GRM7: variants seen among roughly 807,000 people sequenced by gnomAD.
GRM7 encodes the protein glutamate metabotropic receptor 7.
Under a neutral mutation model 84.5 loss-of-function variants are expected in GRM7, and 35 were observed. The ratio of observed to expected loss-of-function variants is 0.41; its 90% CI spans 0.32 to 0.55. The LOEUF is 0.55. GRM7 is among the 20% of genes least tolerant of loss of function. The probability of loss-of-function intolerance (pLI) is 0.19; values close to 1 mark genes in which losing one functional copy is unlikely to be tolerated. For synonymous variants in GRM7, 487 were observed against 455.1 expected (o/e 1.07, Z -0.89); for missense variants, 1,003 against 1,194.6 (o/e 0.84, Z 2.36).
At chr3:7,328,402 A>G (rs1484208355) in intron 4 of GRM7, among the ~76,000 whole-genome samples, 2 of 152,114 alleles carry the variant, frequency 1.3e-5, no homozygotes, top group East Asian at 1.9e-4. Flanking sequence ...GTACTTAACA[A>G]TTAGTATTTT....
chr3:7,577,285 C>CA (rs1695012867), intron 7 of GRM7, among the ~76,000 whole-genome samples: 2 of 152,250 alleles, frequency 1.3e-5, no homozygotes, highest in South Asian at 4.2e-4. Flanking sequence ...TCTCAGGGCA[C>CA]ACCTCAGATC....
intron 1 of GRM7, among the ~76,000 whole-genome samples, chr3:6,869,568 C>T (rs1359263329): frequency 1.6e-5 from 1 of 62,574 alleles, no homozygotes; most frequent in Non-Finnish European, 3.5e-5. Context: ...GTATAATTTA[C>T]ATCTATCTAT....
At chr3:7,408,056 T>C (rs1026235969) in intron 4 of GRM7, among the ~76,000 whole-genome samples, 11 of 152,182 alleles carry the variant, frequency 7.2e-5, no homozygotes. Flanking sequence ...TTTTATCAAT[T>C]GAGAAACTTC....
chr3:7,329,180 A>T (rs1205410877), intron 4 of GRM7, among the ~76,000 whole-genome samples: 2 of 152,152 alleles, frequency 1.3e-5, no homozygotes, highest in Admixed American at 6.5e-5. Context: ...CTAGAGGAAC[A>T]TTCCGATGAC....
chr3:7,177,712 T>C (rs2125094081), intron 2 of GRM7, among the ~76,000 whole-genome samples: 1 of 152,238 alleles, frequency 6.6e-6, no homozygotes, highest in East Asian at 1.9e-4. Flanking sequence ...ATATCGAGAA[T>C]CATGATATAT....
intron 2 of GRM7, among the ~76,000 whole-genome samples, chr3:7,248,457 G>C (rs2124933779): frequency 6.6e-6 from 1 of 152,258 alleles, no homozygotes; most frequent in South Asian, 2.1e-4. Context: ...CTTGCCTTTG[G>C]AGGGGTGGGT....
intron 8 of GRM7, among the ~76,000 whole-genome samples, chr3:7,666,271 G>C (rs536850964): frequency 1.3e-5 from 2 of 152,290 alleles, no homozygotes; most frequent in South Asian, 4.1e-4. Flanking sequence ...AATATTCTGG[G>C]CAGAGAGAAT....
chr3:7,720,775 G>A (rs576331346), intron 9 of GRM7, among the ~76,000 whole-genome samples: 2 of 152,238 alleles, frequency 1.3e-5, no homozygotes, highest in Non-Finnish European at 2.9e-5. Flanking sequence ...GCCATGTCTG[G>A]CACATAGTAG....
At chr3:7,438,071 G>T (rs2124864867) in intron 5 of GRM7, among the ~76,000 whole-genome samples, 1 of 152,230 alleles carries the variant, frequency 6.6e-6, no homozygotes, top group East Asian at 1.9e-4. Context: ...AGACTATGCT[G>T]AGGTTCTGAT....
At chr3:7,337,502 G>A (rs750042653) in intron 4 of GRM7, among the ~76,000 whole-genome samples, 15 of 151,976 alleles carry the variant, frequency 9.9e-5, no homozygotes, top group Admixed American at 3.3e-4. Context: ...GAAAGTATTC[G>A]CAAACTACGC....
intron 1 of GRM7, among the ~76,000 whole-genome samples, chr3:7,019,293 A>C (rs1695684680): frequency 6.6e-6 from 1 of 152,106 alleles, no homozygotes; most frequent in Non-Finnish European, 1.5e-5. Flanking sequence ...GTATCGATAC[A>C]TCATTATCAC....
intron 1 of GRM7, among the ~76,000 whole-genome samples, chr3:6,909,454 G>T (rs2125015075): frequency 6.6e-6 from 1 of 152,120 alleles, no homozygotes; most frequent in South Asian, 2.1e-4. Context: ...ACTCCTTCAG[G>T]ACAGACCTGA....
chr3:7,415,506 C>T (rs977788603), intron 5 of GRM7, among the ~76,000 whole-genome samples: 7 of 151,934 alleles, frequency 4.6e-5, no homozygotes, highest in African/African-American at 1.5e-4. Context: ...ATGCCATTGT[C>T]GGATTTAACT....
chr3:7,628,571 A>G (rs1234677653), intron 8 of GRM7, among the ~76,000 whole-genome samples: 1 of 152,186 alleles, frequency 6.6e-6, no homozygotes, highest in Non-Finnish European at 1.5e-5. Context: ...TTGTTTCTTC[A>G]TTGTAAAATA....
rs536183717 is a variant in GRM7 at position 6,889,484 on chromosome 3, G to A, written c.519+27577G>A. Among the ~76,000 whole-genome samples, 461 of 151,732 alleles carry A rather than the reference G, an allele frequency of 3.0e-3. 2 individuals carry two copies. The highest frequency in any genetic ancestry group is 0.01 in the African/African-American group (419 of 41,346). ...CAAAGGCCTTTTCTGCATCTATTGAGATAATCATGTGGTTTTTGTCTTTGG... is the reference window on the plus strand; with the variant it reads ...CAAAGGCCTTTTCTGCATCTATTGAAATAATCATGTGGTTTTTGTCTTTGG... On this transcript the variant is annotated intron_variant, in intron 1 of 9. Transcript: ENST00000357716.
chr3:7,543,763 A>G (rs1475116361), intron 7 of GRM7, among the ~76,000 whole-genome samples: 1 of 152,134 alleles, frequency 6.6e-6, no homozygotes, highest in Non-Finnish European at 1.5e-5. Context: ...CAACATGAAA[A>G]CCTGTAGCCA....
chr3:6,916,891 G>T (rs1253071257), intron 1 of GRM7, among the ~76,000 whole-genome samples: 1 of 152,098 alleles, frequency 6.6e-6, no homozygotes, highest in Non-Finnish European at 1.5e-5. Flanking sequence ...AACTGAAATG[G>T]TGGCTGGGTG....
chr3:7,406,253 CA>C (rs1222533978), intron 4 of GRM7, among the ~76,000 whole-genome samples: 1 of 152,018 alleles, frequency 6.6e-6, no homozygotes, highest in African/African-American at 2.4e-5. Context: ...GTAATCCCAG[CA>C]CTTTGGGAGG....
chr3:7,521,973 T>C (rs1462464115), intron 7 of GRM7, among the ~76,000 whole-genome samples: 1 of 152,140 alleles, frequency 6.6e-6, no homozygotes, highest in Admixed American at 6.5e-5. Flanking sequence ...GTTCCTTCTC[T>C]GTGTTGGAGT....
Sources: gnomAD v4.1 joint callset for allele counts (sites outside exome capture counted in the v4.1 genomes callset) on GRCh38, gnomAD v4.1.1 for gene constraint, MANE v1.5 for transcripts, NCBI Gene and HGNC (gene_info 2026-07-23, HGNC 2026-07-21) for gene names.